EIF2AK2: variants seen among roughly 807,000 people sequenced by gnomAD.
The protein encoded by EIF2AK2 is interferon-induced, double-stranded RNA-activated protein kinase.
In EIF2AK2, 40 loss-of-function variants were observed where a neutral mutation model predicts 70.5. The ratio of observed to expected loss-of-function variants is 0.57; its 90% CI spans 0.44 to 0.74. The LOEUF is 0.74. EIF2AK2 is among the 30% of genes least tolerant of loss of function. The pLI is 0.00. For synonymous variants in EIF2AK2, 198 were observed against 220.9 expected (o/e 0.90, Z 0.92); for missense variants, 555 against 644.3 (o/e 0.86, Z 1.50).
At chr2:37,144,021 C>T (rs116168336) in intron 4 of EIF2AK2, among the ~76,000 whole-genome samples, 4,499 of 152,288 alleles carry the variant, frequency 0.03, 96 homozygotes, top group Middle Eastern at 0.054. Context: ...CAATGGACTG[C>T]ATATATGACA....
chr2:37,146,776 A>G (rs1675556855), intron 4 of EIF2AK2, 77 bp downstream of exon 4: 1 of 1,557,716 alleles, frequency 6.4e-7, no homozygotes, highest in Admixed American at 1.8e-5. Context: ...ACTCTGTATG[A>G]AAGTATTTTC....
intron 14 of EIF2AK2, among the ~76,000 whole-genome samples, chr2:37,110,152 C>A (rs893890723): frequency 6.6e-6 from 1 of 151,892 alleles, no homozygotes. Context: ...CTCACAGCAG[C>A]CCCCACCTCC....
chr2:37,149,640 G>C (rs1002755255), intron 1 of EIF2AK2, among the ~76,000 whole-genome samples: 1 of 152,156 alleles, frequency 6.6e-6, no homozygotes, highest in African/African-American at 2.4e-5. Flanking sequence ...AACTGGTAAG[G>C]AAACTGGTGT....
intron 12 of EIF2AK2, among the ~76,000 whole-genome samples, chr2:37,121,183 A>C (rs1481947566): frequency 1.4e-5 from 2 of 144,554 alleles, no homozygotes; most frequent in Non-Finnish European, 3.0e-5. Flanking sequence ...GAATACTGTG[A>C]ATCCGGGAGG....
At chr2:37,144,994 C>T (rs1423543483) in intron 4 of EIF2AK2, among the ~76,000 whole-genome samples, 1 of 151,084 alleles carries the variant, frequency 6.6e-6, no homozygotes, top group Non-Finnish European at 1.5e-5. Context: ...CTATGCCCAA[C>T]CATGATTTAA....
intron 4 of EIF2AK2, 89 bp downstream of exon 4, chr2:37,146,764 T>G: frequency 6.6e-7 from 1 of 1,509,428 alleles, no homozygotes; most frequent in South Asian, 1.2e-5. Context: ...GTGAATGGCT[T>G]TACTCTGTAT....
rs183947489 is a variant in EIF2AK2, at chr2:37,100,057, A to G, written c.*7216T>C. On this transcript the variant is annotated 3_prime_UTR_variant, in exon 17 of 17. Transcript: ENST00000233057. The stretch of plus-strand genomic sequence containing the variant: ...AAAAATGATAGTTGCACAACTCTGA[A>G]TATAGTAAACACTACTGAATTGTAT... The G allele has an allele frequency of 6.6e-5, 10 of 152,328 alleles. No individual in the cohort carries two copies. The highest frequency in any genetic ancestry group is 1.3e-4 in the Non-Finnish European group (9 of 68,036). The allele number at this position is 152,328 out of a possible 1,614,324, so 9.4% of individuals were successfully genotyped here.
At chr2:37,134,421 A>G (rs148853764) in intron 10 of EIF2AK2, among the ~76,000 whole-genome samples, 50 of 152,294 alleles carry the variant, frequency 3.3e-4, no homozygotes, top group African/African-American at 1.2e-3. Flanking sequence ...CTGACCATCA[A>G]ACTAACCGAG....
At position 37,122,629 on chromosome 2, in the gene EIF2AK2, A is replaced by G; in HGVS notation, c.944T>C (p.Leu315Pro). The change falls in exon 12 of 17, where the codon CTT (leucine) becomes CCT (proline). Residue 315 changes from leucine (L) to proline (P), a missense_variant. Coordinates refer to ENST00000233057, the MANE Select transcript of EIF2AK2 (RefSeq NM_001135651.3). ...AEREVKALAK[L>P]DHVNIVHYNG... The stretch of plus-strand genomic sequence containing the variant: ...GTAGTGAACAATATTTACATGATCA[A>G]GTTTTGCCAATGCTTTTACTTCACG... 6.2e-7 allele frequency: 1 copy of G among 1,614,170 alleles called. No individual in the cohort carries two copies. The highest frequency in any genetic ancestry group is 8.5e-7 in the Non-Finnish European group (1 of 1,180,032).
At position 37,141,659 on chromosome 2, in the gene EIF2AK2, C is replaced by G; in HGVS notation, c.283G>C (p.Gly95Arg). 1 of 1,613,602 alleles carries G rather than the reference C, an allele frequency of 6.2e-7. No homozygotes were observed. Among genetic ancestry groups the G allele is most frequent in the Non-Finnish European group, 8.5e-7 (1 of 1,179,846 alleles). The part of the protein sequence containing the change: ...LLLTTTNSSE[G>R]LSMGNYIGLI... The stretch of plus-strand genomic sequence containing the variant: ...CCTATGTAATTCCCCATGGATAATC[C>G]TTCTGAAGAATTCGTTGTTGTCAAT... Residue 95 changes from glycine to arginine, a missense_variant, in exon 5 of 17, where the codon GGA (glycine) becomes CGA (arginine). This residue lies in a region of EIF2AK2 where 208 missense variants were observed against 191.8 expected (regional missense o/e 1.08). Transcript: ENST00000233057.
intron 11 of EIF2AK2, among the ~76,000 whole-genome samples, chr2:37,123,947 A>T (rs183209124): frequency 1.3e-5 from 2 of 152,228 alleles, no homozygotes; most frequent in Admixed American, 1.3e-4. Flanking sequence ...TACTTTGACA[A>T]TCCTAAAATA....
At chr2:37,147,213 C>G (rs1467822160) in intron 3 of EIF2AK2, among the ~76,000 whole-genome samples, 1 of 152,152 alleles carries the variant, frequency 6.6e-6, no homozygotes, top group Non-Finnish European at 1.5e-5. Flanking sequence ...CACTTTATGC[C>G]AAGAGCACTC....
chr2:37,151,845 G>A (rs907448127), intron 1 of EIF2AK2, among the ~76,000 whole-genome samples: 101 of 152,250 alleles, frequency 6.6e-4, no homozygotes, highest in African/African-American at 2.2e-3. Context: ...CTGGGAGGCC[G>A]AGGCGGGCGG....
intron 1 of EIF2AK2, among the ~76,000 whole-genome samples, chr2:37,154,717 C>A (rs905738246): frequency 6.6e-6 from 1 of 152,054 alleles, no homozygotes; most frequent in African/African-American, 2.4e-5. Context: ...CCCACCACCA[C>A]GCCCGGCTAA....
At chr2:37,136,931 G>C in intron 9 of EIF2AK2, 52 bp downstream of exon 9, 1 of 1,516,586 alleles carries the variant, frequency 6.6e-7, no homozygotes, top group South Asian at 1.2e-5. Context: ...CAATAAATAA[G>C]TCTGAAATAA....
chr2:37,126,167 T>C (rs1195355911), intron 11 of EIF2AK2, 122 bp downstream of exon 11: 8 of 1,295,726 alleles, frequency 6.2e-6, no homozygotes, highest in South Asian at 1.9e-5. Flanking sequence ...TAGAATGAAA[T>C]GTTTAATGAG....
rs545268436 is a variant in EIF2AK2 at position 37,150,524 on chromosome 2, T to G, written c.-183-1501A>C. On this transcript the variant is annotated intron_variant, in intron 1 of 16. Coordinates refer to ENST00000233057, the MANE Select transcript of EIF2AK2 (RefSeq NM_001135651.3). ...ATGGAACAATCATCATTTTCCCCAT[T>G]GATTATTAAGATTGCTTTGCATGGC... 2.0e-5 allele frequency among the ~76,000 whole-genome samples: 3 copies of G among 152,340 alleles called. No individual in the cohort carries two copies. The East Asian group carries it at 5.8e-4, about 29-fold the overall frequency.
At chr2:37,112,088 G>A (rs1193339604) in intron 14 of EIF2AK2, among the ~76,000 whole-genome samples, 3 of 151,382 alleles carry the variant, frequency 2.0e-5, no homozygotes, top group South Asian at 2.1e-4. Context: ...ATTTTGCTCT[G>A]GGCAATGATG....
intron 1 of EIF2AK2, among the ~76,000 whole-genome samples, chr2:37,153,948 G>C (rs933187927): frequency 2.6e-5 from 4 of 152,174 alleles, no homozygotes; most frequent in African/African-American, 9.7e-5. Flanking sequence ...CAATGCACGA[G>C]GGTTCTAATT....
Sources: gnomAD v4.1 joint callset for allele counts (sites outside exome capture counted in the v4.1 genomes callset) on GRCh38, gnomAD v4.1.1 for gene constraint, gnomAD v4.1.1 regional missense constraint, MANE v1.5 for transcripts, NCBI Gene and HGNC (gene_info 2026-07-23, HGNC 2026-07-21) for gene names.